Variants in FAM3A observed in about 807,000 individuals in gnomAD.
FAM3A encodes the protein protein FAM3A.
In FAM3A, 5 loss-of-function variants were observed where a neutral mutation model predicts 18.1. The ratio of observed to expected loss-of-function variants is 0.28; its 90% CI spans 0.14 to 0.58. FAM3A has a LOEUF of 0.58. Among genes scored for constraint, FAM3A ranks in the 20% least tolerant of loss-of-function variants. FAM3A has a pLI of 0.91. For missense variants in FAM3A, 154 were observed against 216.6 expected, an observed-to-expected ratio of 0.71 and a Z score of 1.81; for synonymous variants, 108 against 90.2, an observed-to-expected ratio of 1.20 and a Z score of -1.12.
chrX:154,512,521 G>A, intron 2 of FAM3A: 1 of 309,601 alleles, frequency 3.2e-6, no homozygotes, highest in Non-Finnish European at 5.7e-6. Flanking sequence ...AGAGCCTGCA[G>A]GGAGCAACCG....
rs782772361 is a variant in FAM3A, at chrX:154,507,313, T to C, written c.487A>G (p.Arg163Gly). The change falls in exon 8 of 9, where the codon AGA (arginine) becomes GGA (glycine). Residue 163 changes from arginine to glycine, a missense_variant. This residue lies in a region of FAM3A where 112 missense variants were observed against 160.0 expected (regional missense o/e 0.70). Coordinates refer to ENST00000447601, the MANE Select transcript of FAM3A (RefSeq NM_021806.4). The stretch of plus-strand genomic sequence containing the variant: ...CTGCCCAGCTCACTGAAGAGCTTTC[T>C]GGTCTCTTCATTCATCCTGCAGCAT... Reference protein sequence around the residue: ...DPATKMNEETRKLFSELGSRN... With the variant: ...DPATKMNEETGKLFSELGSRN... The C allele has an allele frequency of 2.5e-6, 3 of 1,211,992 alleles. No individual in the cohort carries two copies. The highest frequency in any genetic ancestry group is 4.3e-5 in the Admixed American group (2 of 46,098).
chrX:154,512,730 C>T, intron 2 of FAM3A, 93 bp downstream of exon 2: 1 of 609,274 alleles, frequency 1.6e-6, no homozygotes, highest in Non-Finnish European at 2.7e-6. Flanking sequence ...GATAGAAAAC[C>T]CAAGTCAACT....
Position 154,506,808 on chromosome X carries a change from G to T in FAM3A, c.*3C>A, listed in dbSNP as rs782476974. 8.3e-7 allele frequency: 1 copy of T among 1,207,413 alleles called. No individual in the cohort carries two copies. The highest frequency in any genetic ancestry group is 1.1e-6 in the Non-Finnish European group (1 of 891,577). ...CCTCGGCCCGGTCCTGGCACTGGCC[G>T]TGCTAGCTGGCCGTGCTTCTCCGCG... is the stretch of plus-strand genomic sequence containing the variant. On this transcript the variant is annotated 3_prime_UTR_variant, in exon 9 of 9. Transcript: ENST00000447601.
rs377755058 is a variant in FAM3A, at chrX:154,512,947, G to A, written c.14-11C>T. 10 of 1,147,807 alleles carry A rather than the reference G, an allele frequency of 8.7e-6. No homozygotes were observed. The African/African-American group carries it at 1.4e-4, about 16-fold the overall frequency. 94.6% of individuals were successfully genotyped at this position (1,147,807 alleles called of 1,213,427 possible). A position where few individuals can be genotyped will look rare whatever the true frequency, so the allele number is the denominator to read the frequency against. On this transcript the variant is annotated splice_polypyrimidine_tract_variant and intron_variant, in intron 1 of 8. Coordinates refer to ENST00000447601, the MANE Select transcript of FAM3A (RefSeq NM_021806.4). ...CAATGCGGAGAGGGCCTGGAGGCAG[G>A]ATAGACACAGGGTGGGGTCACCTCA...
Position 154,512,914 on chromosome X carries a change from T to C in FAM3A, c.36A>G (p.Leu12=). ...RLAGPLRIVV[L]VVSVGVTWIV... ...TCCATGTGACACCCACACTGACGAC[T>C]AGGACCACAATGCGGAGAGGGCCTG... Residue 12 remains leucine (L), a synonymous_variant, in exon 2 of 9, where the codon CTA becomes CTG. Coordinates refer to ENST00000447601, the MANE Select transcript of FAM3A (RefSeq NM_021806.4). The C allele has an allele frequency of 8.3e-7, 1 of 1,209,541 alleles. No homozygotes were observed. The highest frequency in any genetic ancestry group is 1.8e-5 in the South Asian group (1 of 56,942).
chrX:154,508,011 C>A, intron 5 of FAM3A, 150 bp from the exon 6 acceptor site: 2 of 556,884 alleles, frequency 3.6e-6, no homozygotes, highest in Non-Finnish European at 5.6e-6. Context: ...CTGCATCCCA[C>A]CCCAAGCCGT....
chrX:154,515,783 C>T lies in FAM3A; in HGVS notation c.-11G>A, dbSNP rs372126886. ...ACCTGCCAACCTCATGTCCACTTCT[C>T]CTGCTGGGTTGGGACCGCCGGCAAG... On this transcript the variant is annotated 5_prime_UTR_variant, in exon 1 of 9. Transcript: ENST00000447601. 3.3e-6 allele frequency: 4 copies of T among 1,209,849 alleles called. No homozygotes were observed. Among genetic ancestry groups the T allele is most frequent in the Non-Finnish European group, 4.5e-6 (4 of 894,962 alleles).
intron 5 of FAM3A, 23 bp from the exon 6 acceptor site, chrX:154,507,884 T>C: frequency 8.5e-7 from 1 of 1,181,120 alleles, no homozygotes; most frequent in Non-Finnish European, 1.1e-6. Flanking sequence ...GGAGGGGCCC[T>C]GCTGGGTAAG....
chrX:154,507,176 G>A, intron 8 of FAM3A, 27 bp downstream of exon 8: 2 of 1,181,176 alleles, frequency 1.7e-6, no homozygotes. Flanking sequence ...CTGCCCCGGT[G>A]GGGGTGATGC....
chrX:154,514,150 T>C lies in FAM3A; in HGVS notation c.14-1214A>G, dbSNP rs1013673833. ...CTCTCTGGACACTCCTCATTCTCCTTAGTTAGATCGTCTCCTCTACCCTCC... is the reference window on the plus strand; with the variant it reads ...CTCTCTGGACACTCCTCATTCTCCTCAGTTAGATCGTCTCCTCTACCCTCC... On this transcript the variant is annotated intron_variant, in intron 1 of 8. Transcript: ENST00000447601. 3.6e-5 allele frequency among the ~76,000 whole-genome samples: 4 copies of C among 111,596 alleles called. No homozygotes were observed. In the East Asian group the frequency reaches 8.5e-4, roughly 24 times the overall value.
chrX:154,508,464 G>A lies in FAM3A; in HGVS notation c.275+10C>T, dbSNP rs1032858660. 1.0e-5 allele frequency: 12 copies of A among 1,202,642 alleles called. No individual in the cohort carries two copies. In the African/African-American group the frequency reaches 1.6e-4, roughly 16 times the overall value. ...CCCTCCCTGATCCCCAGTCACCCCA[G>A]GGAGCTCACATCTTGTCCTCGAGGC... On this transcript the variant is annotated intron_variant, in intron 4 of 8. Transcript: ENST00000447601.
Position 154,507,443 on chromosome X carries a change from G to T in FAM3A, c.433C>A (p.Leu145Met). The change falls in exon 7 of 9, where the codon CTG (leucine) becomes ATG (methionine). Residue 145 changes from leucine (L) to methionine (M), a missense_variant. Transcript: ENST00000447601. ...KFIRPLHEGT[L>M]VFVASYDDPA... is the part of the protein sequence containing the mutation. Reference sequence around the variant, plus strand: ...TCGTCGTAGGATGCCACGAACACCAGGGTGCCTTCGTGCAGTGGCCGAATA... The same window carrying T: ...TCGTCGTAGGATGCCACGAACACCATGGTGCCTTCGTGCAGTGGCCGAATA... 5 of 1,211,480 alleles carry T rather than the reference G, an allele frequency of 4.1e-6. No homozygotes were observed. The highest frequency in any genetic ancestry group is 5.6e-6 in the Non-Finnish European group (5 of 895,472).
At chrX:154,509,738 A>C (rs1362443777) in intron 3 of FAM3A, 1 of 111,770 alleles carries the variant, frequency 8.9e-6, no homozygotes, top group Admixed American at 9.5e-5. Flanking sequence ...CTGAACTTCA[A>C]GGTAACTAAC....
Position 154,506,729 on chromosome X carries a change from G to C in FAM3A, c.*82C>G. On this transcript the variant is annotated 3_prime_UTR_variant, in exon 9 of 9. Coordinates refer to ENST00000447601, the MANE Select transcript of FAM3A (RefSeq NM_021806.4). ...GCGCTCCTGCCCGGGTGTGGGGTGT[G>C]AGCCTCAGCCTCTGTCCGCCCGGCA... is the stretch of plus-strand genomic sequence containing the variant. The C allele has an allele frequency of 1.2e-6, 1 of 802,270 alleles. No homozygotes were observed. The highest frequency in any genetic ancestry group is 1.8e-6 in the Non-Finnish European group (1 of 540,981). The allele number at this position is 802,270 out of a possible 1,213,427, so 66.1% of individuals were successfully genotyped here. A position where few individuals can be genotyped will look rare whatever the true frequency, so the allele number is the denominator to read the frequency against.
chrX:154,513,755 C>T (rs2070025199), intron 1 of FAM3A, among the ~76,000 whole-genome samples: 1 of 111,131 alleles, frequency 9.0e-6, no homozygotes, highest in East Asian at 2.8e-4. Context: ...CTCTCTAGTT[C>T]GCTCTTTCTC....
In FAM3A at chrX:154,516,032, T is replaced by C; in HGVS notation, c.-260A>G. ...TCTTGCCCACAGGAGCCTCCGGGGC[T>C]GGGACGAAGATGTGGTTCTCCTGGG... On this transcript the variant is annotated 5_prime_UTR_variant, in exon 1 of 9. Transcript: ENST00000447601. 2.6e-6 allele frequency: 1 copy of C among 389,848 alleles called. No homozygotes were observed. The highest frequency in any genetic ancestry group is 4.5e-6 in the Non-Finnish European group (1 of 223,745). 32.1% of individuals were successfully genotyped at this position (389,848 alleles called of 1,213,427 possible).
chrX:154,512,353 C>T (rs939636120), intron 2 of FAM3A: 4 of 251,476 alleles, frequency 1.6e-5, no homozygotes, highest in African/African-American at 9.2e-5. Context: ...GCACTAGAAT[C>T]GCTTGAACCC....
chrX:154,509,338 GCCC>G (rs2069741487), intron 3 of FAM3A: 1 of 114,116 alleles, frequency 8.8e-6, no homozygotes, highest in Non-Finnish European at 1.8e-5. Context: ...GGTGAGTAAC[GCCC>G]TGCTGACACT....
In FAM3A at chrX:154,515,648, A is replaced by G. The variant is rs942817460; in HGVS notation, c.13+112T>C. Reference sequence around the variant, plus strand: ...GTTTGTGCAGAGTCCTCCATTTCCAAAACCAAACCCAGTGGTTCACCCGGG... The same window carrying G: ...GTTTGTGCAGAGTCCTCCATTTCCAGAACCAAACCCAGTGGTTCACCCGGG... On this transcript the variant is annotated intron_variant, in intron 1 of 8. Coordinates refer to ENST00000447601, the MANE Select transcript of FAM3A (RefSeq NM_021806.4). The G allele has an allele frequency of 3.3e-6, 3 of 909,870 alleles. No individual in the cohort carries two copies. In the East Asian group the frequency reaches 9.2e-5, roughly 28 times the overall value. The allele number at this position is 909,870 out of a possible 1,213,427, so 75.0% of individuals were successfully genotyped here. A position where few individuals can be genotyped will look rare whatever the true frequency, so the allele number is the denominator to read the frequency against.
Sources: allele counts gnomAD v4.1 joint callset (sites outside exome capture counted in the v4.1 genomes callset), GRCh38; gene constraint gnomAD v4.1.1; regional missense constraint gnomAD v4.1.1; transcripts MANE v1.5; gene names NCBI Gene and HGNC (gene_info 2026-07-23, HGNC 2026-07-21).